The following SLC37A3 variants were observed in gnomAD, a reference collection of about 807,000 sequenced individuals.
SLC37A3 encodes solute carrier family 37 member 3, also known as sugar phosphate exchanger 3.
SLC37A3 carries 51 observed loss-of-function variants against 67.1 expected under a neutral mutation model. The ratio of observed to expected loss-of-function variants is 0.76; its 90% CI spans 0.61 to 0.96. The LOEUF (loss-of-function observed/expected upper bound fraction) is 0.96. Ranked by LOEUF, SLC37A3 falls within the 40% of genes least tolerant of loss-of-function variation. SLC37A3 has a pLI of 0.00. For synonymous variants in SLC37A3, 214 were observed against 231.4 expected (o/e 0.92, Z 0.68); for missense variants, 508 against 603.0 (o/e 0.84, Z 1.65).
At chr7:140,382,629 A>T in intron 1 of SLC37A3, 33 bp from the exon 2 acceptor site, 2 of 954,126 alleles carry the variant, frequency 2.1e-6, no homozygotes, top group Middle Eastern at 4.3e-4. Flanking sequence ...GGACATTATT[A>T]AACATAGGCA....
chr7:140,355,131 G>A (rs1796969824), intron 7 of SLC37A3, among the ~76,000 whole-genome samples: 1 of 151,376 alleles, frequency 6.6e-6, no homozygotes, highest in Middle Eastern at 3.4e-3. Flanking sequence ...TTTTTGTTAC[G>A]AATAATTTTT....
chr7:140,363,713 TAA>T (rs575127857), intron 5 of SLC37A3, among the ~76,000 whole-genome samples: 1 of 27,980 alleles, frequency 3.6e-5, no homozygotes, highest in Non-Finnish European at 7.7e-5. Context: ...AATAAAAAAA[TAA>T]AAAAAAAAGA....
Position 140,351,258 on chromosome 7 carries a change from G to T in SLC37A3, c.882+15C>A. On this transcript the variant is annotated intron_variant, in intron 9 of 14. Coordinates refer to ENST00000326232, the MANE Select transcript of SLC37A3 (RefSeq NM_207113.3). ...CATACCTCCCTGGCTGTGGTAAGAT[G>T]TAAGCGGTCCTTACCGGTATGACTC... The T allele has an allele frequency of 6.2e-7, 1 of 1,610,174 alleles. No homozygotes were observed. Among genetic ancestry groups the T allele is most frequent in the South Asian group, 1.1e-5 (1 of 90,492 alleles).
At chr7:140,341,547 T>C (rs1796362357) in intron 13 of SLC37A3, among the ~76,000 whole-genome samples, 1 of 151,982 alleles carries the variant, frequency 6.6e-6, no homozygotes, top group Admixed American at 6.6e-5. Context: ...CTGATAGAGG[T>C]TAACGCTAAG....
chr7:140,391,247 C>T (rs1309946389), intron 1 of SLC37A3, among the ~76,000 whole-genome samples: 1 of 152,184 alleles, frequency 6.6e-6, no homozygotes, highest in Non-Finnish European at 1.5e-5. Flanking sequence ...ATTAATATCC[C>T]TCCAAAATCT....
chr7:140,346,957 C>T (rs1796586726), intron 10 of SLC37A3, among the ~76,000 whole-genome samples: 1 of 151,830 alleles, frequency 6.6e-6, no homozygotes, highest in African/African-American at 2.4e-5. Flanking sequence ...AAAACTGTGC[C>T]TTACAGTATA....
rs1797133520 is a variant in SLC37A3, at chr7:140,358,657, G to GGCT, written c.503_504insAGC (p.Asn168delinsLysAla). The GGCT allele has an allele frequency of 6.2e-7, 1 of 1,614,028 alleles. No homozygotes were observed. The highest frequency in any genetic ancestry group is 2.2e-5 in the East Asian group (1 of 44,888). ...TGGCATACCCGGCTTTCCCAAACCA[G>GGCT]TTGCCCATAACAGCAACCACACAGG... is the stretch of plus-strand genomic sequence containing the variant. On this transcript the variant is annotated protein_altering_variant, in exon 6 of 15. Transcript: ENST00000326232.
chr7:140,387,262 G>A (rs1329398272), intron 1 of SLC37A3, among the ~76,000 whole-genome samples: 1 of 151,948 alleles, frequency 6.6e-6, no homozygotes, highest in Non-Finnish European at 1.5e-5. Flanking sequence ...CTGGAGTTCA[G>A]GAGTCTCAGA....
chr7:140,380,805 C>T (rs1798219608), intron 2 of SLC37A3, among the ~76,000 whole-genome samples: 1 of 152,060 alleles, frequency 6.6e-6, no homozygotes, highest in African/African-American at 2.4e-5. Context: ...TGGTCTCAAA[C>T]TCCTGGGCTC....
intron 1 of SLC37A3, among the ~76,000 whole-genome samples, chr7:140,391,647 T>A (rs1798729496): frequency 6.6e-6 from 1 of 151,774 alleles, no homozygotes; most frequent in Non-Finnish European, 1.5e-5. Flanking sequence ...GAAAAAGGAG[T>A]CAGGCTGGTG....
chr7:140,369,587 T>C lies in SLC37A3; in HGVS notation c.291+3A>G. 1 of 1,613,110 alleles carries C rather than the reference T, an allele frequency of 6.2e-7. No individual in the cohort carries two copies. Among genetic ancestry groups the C allele is most frequent in the Non-Finnish European group, 8.5e-7 (1 of 1,179,282 alleles). ...CTTTAAGCCCTAGAGTTCCAAAACTTACCACAGCATAGGAGAAGAGGAAAA... is the reference window on the plus strand; with the variant it reads ...CTTTAAGCCCTAGAGTTCCAAAACTCACCACAGCATAGGAGAAGAGGAAAA... On this transcript the variant is annotated splice_donor_region_variant and intron_variant, in intron 4 of 14. Transcript: ENST00000326232.
rs181423937 is a variant in SLC37A3 at position 140,377,413 on chromosome 7, C to A, written c.198+2869G>T. ...CTTCTCCTGGAGATAATTTTAGATT[C>A]TCTAGCACTATTCTCATGTAAGAAC... is the stretch of plus-strand genomic sequence containing the variant. On this transcript the variant is annotated intron_variant, in intron 3 of 14. Coordinates refer to ENST00000326232, the MANE Select transcript of SLC37A3 (RefSeq NM_207113.3). Among the ~76,000 whole-genome samples, 165 of 152,176 alleles carry A rather than the reference C, an allele frequency of 1.1e-3. 1 individual carries two copies. The highest frequency in any genetic ancestry group is 3.7e-3 in the African/African-American group (153 of 41,516).
At chr7:140,342,659 GAGAA>G (rs990411993) in intron 13 of SLC37A3, among the ~76,000 whole-genome samples, 49 of 142,368 alleles carry the variant, frequency 3.4e-4, no homozygotes, top group African/African-American at 1.2e-3. Flanking sequence ...ATCTGTCCCA[GAGAA>G]AGTTGAATTT....
Position 140,374,495 on chromosome 7 carries a change from T to TC in SLC37A3, c.199-4814dup, listed in dbSNP as rs1305806039. ...CTGGGCGACAGAGCAAGACTCAATC[T>TC]CAAAAAAAAAAAAAAAAATGAATTT... On this transcript the variant is annotated intron_variant, in intron 3 of 14. Transcript: ENST00000326232. Among the ~76,000 whole-genome samples, 20 of 91,832 alleles carry TC rather than the reference T, an allele frequency of 2.2e-4. 1 individual carries two copies. In the South Asian group the frequency reaches 3.9e-3, roughly 18 times the overall value. 60.2% of individuals were successfully genotyped at this position (91,832 alleles called of 152,430 possible).
At chr7:140,384,992 A>G (rs1798396354) in intron 1 of SLC37A3, among the ~76,000 whole-genome samples, 1 of 152,200 alleles carries the variant, frequency 6.6e-6, no homozygotes, top group Admixed American at 6.5e-5. Context: ...TGCAACTTGT[A>G]GATAAAAGAA....
intron 1 of SLC37A3, among the ~76,000 whole-genome samples, chr7:140,396,001 C>T (rs1420333118): frequency 2.6e-5 from 4 of 151,832 alleles, no homozygotes; most frequent in Admixed American, 2.6e-4. Flanking sequence ...TCTCAATGCT[C>T]ACACTCATAC....
intron 13 of SLC37A3, among the ~76,000 whole-genome samples, chr7:140,343,143 A>G (rs1461339172): frequency 6.6e-6 from 1 of 152,172 alleles, no homozygotes; most frequent in Non-Finnish European, 1.5e-5. Context: ...GCTGGGGCAG[A>G]AGGATCTGTC....
At chr7:140,337,085 C>G (rs1309138375) in intron 14 of SLC37A3, among the ~76,000 whole-genome samples, 199 bp downstream of exon 14, 1 of 117,596 alleles carries the variant, frequency 8.5e-6, no homozygotes, top group Non-Finnish European at 1.6e-5. Context: ...GGCAACAGAG[C>G]GAGACTCTGC....
At chr7:140,380,755 T>G (rs1012009818) in intron 2 of SLC37A3, among the ~76,000 whole-genome samples, 1 of 151,948 alleles carries the variant, frequency 6.6e-6, no homozygotes, top group Non-Finnish European at 1.5e-5. Flanking sequence ...AAAATTTCTG[T>G]ATTTTTTGCA....
Sources: allele counts gnomAD v4.1 joint callset (sites outside exome capture counted in the v4.1 genomes callset), GRCh38; gene constraint gnomAD v4.1.1; transcripts MANE v1.5; gene names NCBI Gene and HGNC (gene_info 2026-07-23, HGNC 2026-07-21).